Variants in UMODL1 observed in about 807,000 individuals in gnomAD.
UMODL1 encodes the protein uromodulin like 1.
In UMODL1, 128 loss-of-function variants were observed where a neutral mutation model predicts 136.3. The ratio of observed to expected loss-of-function variants is 0.94; its 90% CI spans 0.81 to 1.09. The LOEUF is 1.09. Among genes scored for constraint, UMODL1 ranks in the 50% least tolerant of loss-of-function variants. The pLI is 0.00. For missense variants in UMODL1, 1,766 were observed against 1,725.6 expected, an observed-to-expected ratio of 1.02 and a Z score of -0.41; for synonymous variants, 721 against 720.0, an observed-to-expected ratio of 1.00 and a Z score of -0.02.
rs2067066276 is a variant in UMODL1, at chr21:42,127,061, C to T, written c.3349C>T (p.Gln1117Ter). ...HGAGNFVTEMQLFIGDSPIPQ... is the reference protein window; with the variant it reads ...HGAGNFVTEM ...CGCTGGGAATTTTGTTACCGAAATG[C>T]AGTTGTTTATCGGAGACTCTCCCAT... Residue 1117 changes from glutamine (Q) to a stop codon, truncating the protein, a stop_gained, in exon 19 of 23, where the codon CAG (glutamine) becomes TAG (stop). Transcript: ENST00000408910. LOFTEE classifies it high-confidence loss of function. 1.2e-6 allele frequency: 2 copies of T among 1,614,176 alleles called. No individual in the cohort carries two copies. Among genetic ancestry groups the T allele is most frequent in the Non-Finnish European group, 1.7e-6 (2 of 1,180,042 alleles).
At chr21:42,097,701 G>T (rs970662660) in intron 6 of UMODL1, among the ~76,000 whole-genome samples, 3 of 152,088 alleles carry the variant, frequency 2.0e-5, no homozygotes, top group Admixed American at 1.3e-4. Flanking sequence ...AAAGTTCTTT[G>T]TTGCTTATTT....
intron 1 of UMODL1, among the ~76,000 whole-genome samples, chr21:42,063,729 C>T (rs1289520472): frequency 6.6e-6 from 1 of 152,214 alleles, no homozygotes; most frequent in Non-Finnish European, 1.5e-5. Context: ...GCTTGCTTGT[C>T]CCCCGGCTCC....
intron 12 of UMODL1, 98 bp from the exon 13 acceptor site, chr21:42,113,475 C>G: frequency 6.8e-7 from 1 of 1,464,058 alleles, no homozygotes; most frequent in Non-Finnish European, 9.3e-7. Flanking sequence ...TCGCTCATGT[C>G]CCCATGGTGA....
At chr21:42,130,733 C>T (rs1390631597) in intron 21 of UMODL1, among the ~76,000 whole-genome samples, 2 of 152,142 alleles carry the variant, frequency 1.3e-5, no homozygotes, top group Non-Finnish European at 2.9e-5. Context: ...GGCTGTGGGG[C>T]CCAGTCCTTG....
intron 1 of UMODL1, among the ~76,000 whole-genome samples, chr21:42,074,468 T>C (rs559097992): frequency 6.6e-6 from 1 of 152,270 alleles, no homozygotes; most frequent in South Asian, 2.1e-4. Context: ...AACTAGGCAG[T>C]AGGGGCTCCC....
At position 42,085,075 on chromosome 21, in the gene UMODL1, G is replaced by C. The variant is rs949914151; in HGVS notation, c.482-216G>C. On this transcript the variant is annotated intron_variant, in intron 3 of 22. Coordinates refer to ENST00000408910, the MANE Select transcript of UMODL1 (RefSeq NM_001004416.3). The surrounding 1 kb of genome is among the most constrained non-coding windows in gnomAD (Gnocchi z 4.5). Reference sequence around the variant, plus strand: ...CCAGCTCACCTCTGAGCAGGGATCGGTGGTCTTCAGGGACATTAGGATGGA... The same window carrying C: ...CCAGCTCACCTCTGAGCAGGGATCGCTGGTCTTCAGGGACATTAGGATGGA... Among the ~76,000 whole-genome samples the C allele has an allele frequency of 1.3e-5, 2 of 152,110 alleles. No individual in the cohort carries two copies. The highest frequency in any genetic ancestry group is 4.8e-5 in the African/African-American group (2 of 41,410).
chr21:42,121,270 G>C, intron 16 of UMODL1, 46 bp downstream of exon 16: 1 of 1,567,970 alleles, frequency 6.4e-7, no homozygotes, highest in Admixed American at 1.9e-5. Context: ...TATCATAATC[G>C]GTTTTTTTTA....
intron 21 of UMODL1, among the ~76,000 whole-genome samples, chr21:42,131,451 T>TTGGC (rs2067132989): frequency 1.2e-4 from 3 of 25,092 alleles, no homozygotes; most frequent in Admixed American, 3.8e-4. Flanking sequence ...GAGGGAGGTC[T>TTGGC]CAGCCATGAA....
upstream of UMODL1, among the ~76,000 whole-genome samples, chr21:42,070,453 A>G (rs560943139): frequency 4.2e-4 from 64 of 152,194 alleles, no homozygotes; most frequent in Non-Finnish European, 7.6e-4. Context: ...AATCACCTGT[A>G]TTCTTATCAC....
At chr21:42,115,610 T>C (rs1369773555) in intron 13 of UMODL1, among the ~76,000 whole-genome samples, 2 of 152,166 alleles carry the variant, frequency 1.3e-5, no homozygotes, top group Admixed American at 6.5e-5. Context: ...GAAGGCTATG[T>C]GTGGTGGGGA....
chr21:42,113,101 A>G (rs2066857422), intron 12 of UMODL1: 1 of 156,164 alleles, frequency 6.4e-6, no homozygotes, highest in East Asian at 1.9e-4. Context: ...AGGCTCTAAG[A>G]CTAAACTCTT....
intron 2 of UMODL1, among the ~76,000 whole-genome samples, chr21:42,079,243 G>A (rs34042201): frequency 0.17 from 26,464 of 152,194 alleles, 2,593 homozygotes; most frequent in African/African-American, 0.26. Context: ...GCCTGCTGCA[G>A]CAAACAAGTT....
At position 42,122,903 on chromosome 21, in the gene UMODL1, C is replaced by T. The variant is rs749511048; in HGVS notation, c.2900C>T (p.Ala967Val). The change falls in exon 17 of 23, where the codon GCC becomes GTC. Residue 967 changes from alanine (A) to valine (V), a missense_variant. Transcript: ENST00000408910. The surrounding 1 kb of genome is among the most constrained non-coding windows in gnomAD (Gnocchi z 4.3). ...CTCACCACAGCAGGGACCAAGGCTG[C>T]CTTTGTGCAAGGCACCAGCCCCACC... ...RPLTTAGTKA[A>V]FVQGTSPTPQ... The T allele has an allele frequency of 1.9e-6, 3 of 1,613,810 alleles. No homozygotes were observed. The highest frequency in any genetic ancestry group is 2.5e-6 in the Non-Finnish European group (3 of 1,179,986).
intron 9 of UMODL1, among the ~76,000 whole-genome samples, chr21:42,106,200 G>T (rs2066714791): frequency 6.6e-6 from 1 of 152,224 alleles, no homozygotes. Context: ...GAGCAACCAT[G>T]GGGCACCGCC....
intron 1 of UMODL1, among the ~76,000 whole-genome samples, chr21:42,075,240 A>AT (rs1555917873): frequency 3.2e-5 from 3 of 94,474 alleles, no homozygotes; most frequent in South Asian, 3.2e-4. Context: ...TTTGCTGGAG[A>AT]TGGGGGGGGG....
intron 12 of UMODL1, 151 bp from the exon 13 acceptor site, chr21:42,113,422 A>C: frequency 1.1e-6 from 1 of 894,644 alleles, no homozygotes; most frequent in Non-Finnish European, 1.7e-6. Flanking sequence ...AGGTTTGTAC[A>C]GGATCCTACT....
At chr21:42,112,598 C>T (rs1171925976) in intron 12 of UMODL1, among the ~76,000 whole-genome samples, 2 of 151,700 alleles carry the variant, frequency 1.3e-5, no homozygotes, top group Admixed American at 6.6e-5. Context: ...TCTTCTGTAT[C>T]TCCCCAGCTC....
intron 1 of UMODL1, among the ~76,000 whole-genome samples, chr21:42,063,716 G>A (rs1272594174): frequency 2.6e-5 from 4 of 152,184 alleles, no homozygotes; most frequent in Non-Finnish European, 1.5e-5. Flanking sequence ...CTCCCAACTG[G>A]CCGCTTGCTT....
At chr21:42,101,812 C>G in intron 7 of UMODL1, 1 of 449,502 alleles carries the variant, frequency 2.2e-6, no homozygotes, top group Non-Finnish European at 4.5e-6. Flanking sequence ...GTAAGGGCCT[C>G]GTCGTGTGAG....
Sources: gnomAD v4.1 joint callset for allele counts (sites outside exome capture counted in the v4.1 genomes callset) on GRCh38, gnomAD v4.1.1 for gene constraint, Gnocchi (gnomAD v3.1) non-coding constraint, MANE v1.5 for transcripts, NCBI Gene and HGNC (gene_info 2026-07-23, HGNC 2026-07-21) for gene names.